LYPLA1: variants seen among roughly 807,000 people sequenced by gnomAD.
LYPLA1 encodes lysophospholipase 1.
LYPLA1 carries 17 observed loss-of-function variants against 34.0 expected under a neutral mutation model. The ratio of observed to expected loss-of-function variants is 0.50; its 90% CI spans 0.34 to 0.75. LYPLA1 has a LOEUF of 0.75. Among genes scored for constraint, LYPLA1 ranks in the 30% least tolerant of loss-of-function variants. The pLI is 0.01. For missense variants in LYPLA1, 203 were observed against 288.8 expected, an observed-to-expected ratio of 0.70 and a Z score of 2.15; for synonymous variants, 98 against 100.8, an observed-to-expected ratio of 0.97 and a Z score of 0.17.
intron 2 of LYPLA1, among the ~76,000 whole-genome samples, chr8:54,088,576 T>C (rs1563655196): frequency 1.3e-5 from 2 of 152,218 alleles, no homozygotes; most frequent in Non-Finnish European, 1.5e-5. Flanking sequence ...GGGTTAAACA[T>C]AGAGCTACCA....
In LYPLA1 at chr8:54,062,267, C is replaced by T. The variant is rs761989539; in HGVS notation, c.273G>A (p.Gln91=). The change falls in exon 5 of 9, where the codon CAG becomes CAA. Residue 91 remains glutamine, a synonymous_variant. Transcript: ENST00000316963. ...DSQEDESGIK[Q]AAENIKALID... is the part of the protein sequence containing the mutation. The stretch of plus-strand genomic sequence containing the variant: ...TTCTGTACTTACTATTTTCTGCTGC[C>T]TGTTTAATCCCAGATTCATCCTCCT... 4 of 1,605,442 alleles carry T rather than the reference C, an allele frequency of 2.5e-6. No individual in the cohort carries two copies. The Admixed American group carries it at 5.1e-5, about 20-fold the overall frequency.
chr8:54,057,672 AGGGGGCTGGAGGTGAGGT>A (rs1806308333), intron 5 of LYPLA1, among the ~76,000 whole-genome samples: 1 of 152,178 alleles, frequency 6.6e-6, no homozygotes, highest in South Asian at 2.1e-4. Context: ...GAAGGGTAGA[AGGGGGCTGGAGGTGAGGT>A]GTAGCTAGTT....
intron 2 of LYPLA1, among the ~76,000 whole-genome samples, chr8:54,092,279 A>AGGAAGAGAAGGAGGG (rs773694429): frequency 6.7e-6 from 1 of 149,798 alleles, no homozygotes; most frequent in African/African-American, 2.5e-5. Flanking sequence ...AGGAGAAAGA[A>AGGAAGAGAAGGAGGG]GGAAGAGAAG....
chr8:54,078,016 T>C (rs1429986270), intron 2 of LYPLA1, among the ~76,000 whole-genome samples: 1 of 152,142 alleles, frequency 6.6e-6, no homozygotes, highest in East Asian at 1.9e-4. Flanking sequence ...AGTGACACAA[T>C]CTCAGCTCAC....
intron 2 of LYPLA1, among the ~76,000 whole-genome samples, chr8:54,070,610 C>T (rs1472553571): frequency 4.6e-5 from 7 of 152,036 alleles, no homozygotes; most frequent in South Asian, 2.1e-4. Context: ...GTAGTACCAG[C>T]GACTGGGGAG....
rs1342351415 is a variant in LYPLA1, at chr8:54,095,528, T to C, written c.101+5380A>G. On this transcript the variant is annotated intron_variant, in intron 2 of 8. Transcript: ENST00000316963. ...TATTCAATATTTTAAATATTTCATA[T>C]GTTATATTTATTATTTTAATGTGGA... Among the ~76,000 whole-genome samples the C allele has an allele frequency of 2.0e-5, 3 of 152,238 alleles. No individual in the cohort carries two copies. In the South Asian group the frequency reaches 6.2e-4, roughly 32 times the overall value.
intron 2 of LYPLA1, among the ~76,000 whole-genome samples, chr8:54,076,242 GAACA>G (rs1807892111): frequency 6.6e-6 from 1 of 151,986 alleles, no homozygotes; most frequent in Non-Finnish European, 1.5e-5. Flanking sequence ...AAAATTAAAA[GAACA>G]AATATTTAAA....
chr8:54,072,093 C>T (rs1015876121), intron 2 of LYPLA1, among the ~76,000 whole-genome samples: 1 of 152,066 alleles, frequency 6.6e-6, no homozygotes, highest in Non-Finnish European at 1.5e-5. Context: ...ACACCTACAA[C>T]TATTTGATAC....
intron 5 of LYPLA1, among the ~76,000 whole-genome samples, chr8:54,061,232 G>A (rs942022107): frequency 1.1e-4 from 16 of 151,304 alleles, no homozygotes; most frequent in African/African-American, 3.9e-4. Context: ...AGGCGTGCGT[G>A]ACCACGCCCA....
Position 54,077,625 on chromosome 8 carries a change from G to A in LYPLA1, c.102-11812C>T, listed in dbSNP as rs191760670. 2.8e-3 allele frequency among the ~76,000 whole-genome samples: 427 copies of A among 152,092 alleles called. 2 individuals carry two copies. Among genetic ancestry groups the A allele is most frequent in the Non-Finnish European group, 4.8e-3 (325 of 68,006 alleles). On this transcript the variant is annotated intron_variant, in intron 2 of 8. Transcript: ENST00000316963. ...AGCCTGGCCAACATGGCGAAACCCCGTCTCTACTAAAAATAAATAAATAAA... is the reference window on the plus strand; with the variant it reads ...AGCCTGGCCAACATGGCGAAACCCCATCTCTACTAAAAATAAATAAATAAA...
At chr8:54,084,142 A>AAAAATTTT (rs1491176522) in intron 2 of LYPLA1, among the ~76,000 whole-genome samples, 3 of 93,874 alleles carry the variant, frequency 3.2e-5, no homozygotes, top group Admixed American at 1.0e-4. Context: ...AAATAAATAA[A>AAAAATTTT]TATATATATA....
chr8:54,089,821 T>C (rs1370725244), intron 2 of LYPLA1, among the ~76,000 whole-genome samples: 1 of 152,150 alleles, frequency 6.6e-6, no homozygotes, highest in Non-Finnish European at 1.5e-5. Context: ...AGGTGGATGA[T>C]ACGGTTTGGC....
chr8:54,063,442 T>C, intron 3 of LYPLA1, 67 bp from the exon 4 acceptor site: 1 of 987,890 alleles, frequency 1.0e-6, no homozygotes, highest in Non-Finnish European at 1.5e-6. Context: ...ATTCCATTAA[T>C]CAAAAACAGA....
chr8:54,049,099 G>A (rs1327740241), intron 8 of LYPLA1, among the ~76,000 whole-genome samples: 1 of 152,172 alleles, frequency 6.6e-6, no homozygotes, highest in Non-Finnish European at 1.5e-5. Context: ...TATATCAGTA[G>A]GAGAACACCC....
chr8:54,101,145 TGG>T (rs35405582), intron 1 of LYPLA1, among the ~76,000 whole-genome samples: 2 of 134,562 alleles, frequency 1.5e-5, no homozygotes, highest in Non-Finnish European at 3.2e-5. Context: ...AGATAATGAA[TGG>T]GGGGGGGGTA....
intron 2 of LYPLA1, among the ~76,000 whole-genome samples, chr8:54,087,618 T>C (rs1423934098): frequency 6.6e-6 from 1 of 152,236 alleles, no homozygotes; most frequent in Non-Finnish European, 1.5e-5. Context: ...AAATAATGTA[T>C]CTGATAGGAG....
chr8:54,055,223 G>A (rs976451769), intron 5 of LYPLA1, 90 bp from the exon 6 acceptor site: 42 of 699,184 alleles, frequency 6.0e-5, no homozygotes, highest in Middle Eastern at 2.4e-4. Flanking sequence ...TAATAGAAAA[G>A]CGCAATTACT....
chr8:54,089,471 C>T (rs937186752), intron 2 of LYPLA1, among the ~76,000 whole-genome samples: 1 of 133,672 alleles, frequency 7.5e-6, no homozygotes, highest in Non-Finnish European at 1.5e-5. Flanking sequence ...GTTTGGTACT[C>T]TCTGTGATTT....
chr8:54,077,355 G>A (rs934246997), intron 2 of LYPLA1, among the ~76,000 whole-genome samples: 2 of 152,096 alleles, frequency 1.3e-5, no homozygotes, highest in Non-Finnish European at 2.9e-5. Context: ...GTGGAGGGTG[G>A]AAGGAGGGAA....
Sources: allele counts gnomAD v4.1 joint callset (sites outside exome capture counted in the v4.1 genomes callset), GRCh38; gene constraint gnomAD v4.1.1; transcripts MANE v1.5; gene names NCBI Gene and HGNC (gene_info 2026-07-23, HGNC 2026-07-21).